TMEM132D: variants seen among roughly 807,000 people sequenced by gnomAD.
TMEM132D encodes the protein transmembrane protein 132D.
A neutral mutation model predicts 62.3 loss-of-function variants in TMEM132D; 21 were observed. That is an observed-to-expected ratio of 0.34 (90% CI 0.24 to 0.49). The LOEUF is 0.49. Ranked by LOEUF, TMEM132D falls within the 20% of genes least tolerant of loss-of-function variation. The pLI is 0.99. For missense variants in TMEM132D, 1,346 were observed against 1,402.8 expected (o/e 0.96, Z 0.65); for synonymous variants, 621 against 575.6 (o/e 1.08, Z -1.13).
chr12:129,117,119 C>A (rs781097371), intron 5 of TMEM132D, among the ~76,000 whole-genome samples: 1 of 151,928 alleles, frequency 6.6e-6, no homozygotes, highest in Non-Finnish European at 1.5e-5. Flanking sequence ...CATAGAGGAA[C>A]CTTAAATACA....
chr12:129,209,572 G>T lies in TMEM132D; in HGVS notation c.1391C>A (p.Thr464Lys). 6.2e-7 allele frequency: 1 copy of T among 1,614,184 alleles called. No individual in the cohort carries two copies. Among genetic ancestry groups the T allele is most frequent in the Admixed American group, 1.7e-5 (1 of 60,030 alleles). ...VVSVEDDGTV[T>K]ELLESVECRS... ...ACACTCCACAGACTCCAGCAGCTCT[G>T]TCACTGTGCCGTCGTCCTCCACGGA... Residue 464 changes from threonine (T) to lysine (K), a missense_variant, in exon 5 of 9, where the codon ACA becomes AAA. By Grantham distance (78) the Thr-to-Lys change is moderately conservative. Transcript: ENST00000422113.
intron 1 of TMEM132D, among the ~76,000 whole-genome samples, chr12:129,747,362 T>A (rs1271706907): frequency 5.9e-5 from 9 of 151,960 alleles, no homozygotes; most frequent in Non-Finnish European, 1.5e-5. Flanking sequence ...AATTGGTAGT[T>A]TCTCACTTTT....
intron 2 of TMEM132D, among the ~76,000 whole-genome samples, chr12:129,643,103 T>G (rs1254075566): frequency 6.6e-6 from 1 of 152,022 alleles, no homozygotes; most frequent in Non-Finnish European, 1.5e-5. Context: ...TTTCGTATTT[T>G]TAGTAGAGAC....
At chr12:129,127,097 G>A (rs1042088528) in intron 5 of TMEM132D, among the ~76,000 whole-genome samples, 2 of 152,206 alleles carry the variant, frequency 1.3e-5, no homozygotes, top group African/African-American at 4.8e-5. Context: ...GTCTGAGAGC[G>A]AGAGAGCGGG....
At chr12:129,883,181 A>G (rs1455448912) in intron 1 of TMEM132D, among the ~76,000 whole-genome samples, 2 of 152,254 alleles carry the variant, frequency 1.3e-5, no homozygotes, top group African/African-American at 2.4e-5. Context: ...AAAACAAGTG[A>G]GTTTAACACA....
chr12:129,625,058 G>A (rs910902147), intron 2 of TMEM132D, among the ~76,000 whole-genome samples: 1 of 152,210 alleles, frequency 6.6e-6, no homozygotes, highest in African/African-American at 2.4e-5. Context: ...TGATTGGCAT[G>A]GCTACTGCCT....
At chr12:129,131,948 C>T (rs1425383170) in intron 5 of TMEM132D, among the ~76,000 whole-genome samples, 3 of 152,090 alleles carry the variant, frequency 2.0e-5, no homozygotes, top group Non-Finnish European at 4.4e-5. Context: ...TTTAGATAGG[C>T]TTGACTTGAA....
At chr12:129,523,578 C>T (rs569580006) in intron 3 of TMEM132D, among the ~76,000 whole-genome samples, 1 of 152,130 alleles carries the variant, frequency 6.6e-6, no homozygotes, top group Admixed American at 6.6e-5. Flanking sequence ...AACTCAGTGC[C>T]GTTACCCACG....
At chr12:129,464,948 A>G (rs78017082) in intron 3 of TMEM132D, among the ~76,000 whole-genome samples, 144,823 of 148,748 alleles carry the variant, frequency 0.97, 70,628 homozygotes, top group Non-Finnish European at 1. Context: ...TTGACTTGGC[A>G]ATGCGGGCTC....
intron 3 of TMEM132D, among the ~76,000 whole-genome samples, chr12:129,450,849 C>T (rs979260319): frequency 1.1e-4 from 17 of 148,360 alleles, no homozygotes; most frequent in Admixed American, 5.5e-4. Context: ...TTCTGCCTCT[C>T]GGGTTCAAGC....
At position 129,892,665 on chromosome 12, in the gene TMEM132D, C is replaced by G. The variant is rs78788147; in HGVS notation, c.79+10596G>C. On this transcript the variant is annotated intron_variant, in intron 1 of 8. Coordinates refer to ENST00000422113, the MANE Select transcript of TMEM132D (RefSeq NM_133448.3). ...CTAAGTAATAATAGGAATTACTTAA[C>G]TAAAACACAATCTCTATACACGCAG... Among the ~76,000 whole-genome samples, 1,394 of 152,188 alleles carry G rather than the reference C, an allele frequency of 9.2e-3. 18 individuals are homozygous for G. Among genetic ancestry groups the G allele is most frequent in the African/African-American group, 0.032 (1,318 of 41,512 alleles).
At chr12:129,640,955 G>A (rs1230399750) in intron 2 of TMEM132D, among the ~76,000 whole-genome samples, 1 of 152,154 alleles carries the variant, frequency 6.6e-6, no homozygotes, top group African/African-American at 2.4e-5. Context: ...CTGATGATCT[G>A]TCACTGTCTC....
chr12:129,333,908 G>T (rs1869193375), intron 4 of TMEM132D, among the ~76,000 whole-genome samples: 1 of 152,170 alleles, frequency 6.6e-6, no homozygotes, highest in African/African-American at 2.4e-5. Context: ...ATCATCTTAG[G>T]TCAGGAGTTC....
intron 3 of TMEM132D, among the ~76,000 whole-genome samples, chr12:129,379,089 G>T (rs973182815): frequency 2.6e-5 from 4 of 152,128 alleles, no homozygotes; most frequent in Non-Finnish European, 5.9e-5. Flanking sequence ...CCTGGGGAAA[G>T]TTCTCATTCT....
At chr12:129,490,129 A>G (rs1229281844) in intron 3 of TMEM132D, among the ~76,000 whole-genome samples, 1 of 152,238 alleles carries the variant, frequency 6.6e-6, no homozygotes, top group Non-Finnish European at 1.5e-5. Context: ...CAATGTAGCT[A>G]CTATAGTTCA....
intron 5 of TMEM132D, among the ~76,000 whole-genome samples, chr12:129,205,461 C>G (rs1228053704): frequency 6.6e-6 from 1 of 150,872 alleles, no homozygotes; most frequent in Admixed American, 6.6e-5. Flanking sequence ...TTCAATAAGA[C>G]CTAATTATCC....
chr12:129,266,866 C>A (rs1290014958), intron 4 of TMEM132D, among the ~76,000 whole-genome samples: 3 of 152,152 alleles, frequency 2.0e-5, no homozygotes, highest in Non-Finnish European at 1.5e-5. Context: ...CACATCTCAC[C>A]TGGGTAAGCA....
chr12:129,288,185 T>A (rs1273193283), intron 4 of TMEM132D, among the ~76,000 whole-genome samples: 1 of 152,204 alleles, frequency 6.6e-6, no homozygotes, highest in Admixed American at 6.5e-5. Flanking sequence ...TCAACAGTGA[T>A]TTCATAAATA....
intron 1 of TMEM132D, among the ~76,000 whole-genome samples, chr12:129,823,660 T>C (rs1446220332): frequency 6.6e-6 from 1 of 152,178 alleles, no homozygotes; most frequent in Non-Finnish European, 1.5e-5. Flanking sequence ...GTCAGTGTGT[T>C]TAGAATTCAG....
Sources: gnomAD v4.1 joint callset for allele counts (sites outside exome capture counted in the v4.1 genomes callset) on GRCh38, gnomAD v4.1.1 for gene constraint, MANE v1.5 for transcripts, NCBI Gene and HGNC (gene_info 2026-07-23, HGNC 2026-07-21) for gene names.